Variants in SPAG16 observed in about 807,000 individuals in gnomAD.
SPAG16 encodes sperm associated antigen 16.
SPAG16 carries 86 observed loss-of-function variants against 80.4 expected under a neutral mutation model. That is an observed-to-expected ratio of 1.07 (90% confidence interval 0.90 to 1.28). SPAG16 has a LOEUF of 1.28. SPAG16 is among the 50% of genes most tolerant of loss of function. SPAG16 has a pLI of 0.00. For synonymous variants in SPAG16, 294 were observed against 265.9 expected, an observed-to-expected ratio of 1.11 and a Z score of -1.03; for missense variants, 870 against 765.3, an observed-to-expected ratio of 1.14 and a Z score of -1.61.
At chr2:214,381,239 C>A (rs963095355) in intron 15 of SPAG16, among the ~76,000 whole-genome samples, 2 of 152,140 alleles carry the variant, frequency 1.3e-5, no homozygotes, top group Admixed American at 6.6e-5. Flanking sequence ...TTAGTTCTTA[C>A]GAAGAAAACA....
At chr2:214,193,875 C>A (rs2057749244) in intron 15 of SPAG16, among the ~76,000 whole-genome samples, 1 of 152,054 alleles carries the variant, frequency 6.6e-6, no homozygotes, top group Non-Finnish European at 1.5e-5. Flanking sequence ...AGTATCATCT[C>A]TGTGTAAAAA....
intron 13 of SPAG16, among the ~76,000 whole-genome samples, chr2:214,041,894 A>G (rs963010162): frequency 1.3e-5 from 2 of 148,238 alleles, no homozygotes; most frequent in Admixed American, 6.8e-5. Context: ...ATATTTATAT[A>G]TAGTCTGTGT....
At chr2:213,518,129 G>A (rs2075511887) in intron 10 of SPAG16, among the ~76,000 whole-genome samples, 1 of 152,138 alleles carries the variant, frequency 6.6e-6, no homozygotes, top group Non-Finnish European at 1.5e-5. Flanking sequence ...ACTGATAAAT[G>A]GGCAAAGGAC....
chr2:213,862,643 C>G lies in SPAG16; in HGVS notation c.1214+15C>G, dbSNP rs2042792. 608,965 of 1,612,300 alleles carry G rather than the reference C, an allele frequency of 0.38. 117,429 individuals carry two copies. The highest frequency in any genetic ancestry group is 0.48 in the East Asian group (21,671 of 44,812). On this transcript the variant is annotated intron_variant, in intron 11 of 15. Transcript: ENST00000331683. ...TTCCATCCCAGGTCAGTGCACAGGA[C>G]CCCTAGAAATAGCCTAATCTCTCTA...
chr2:213,816,383 A>G (rs967152549), intron 10 of SPAG16, among the ~76,000 whole-genome samples: 1 of 152,068 alleles, frequency 6.6e-6, no homozygotes, highest in African/African-American at 2.4e-5. Flanking sequence ...AACATTCTTG[A>G]ATATTTCTTT....
chr2:214,282,348 A>C (rs1488875469), intron 15 of SPAG16, among the ~76,000 whole-genome samples: 2 of 152,150 alleles, frequency 1.3e-5, no homozygotes, highest in South Asian at 4.1e-4. Context: ...AATAAATCTA[A>C]TGAGGAGAAA....
At chr2:214,058,330 C>G (rs1228021041) in intron 13 of SPAG16, among the ~76,000 whole-genome samples, 1 of 152,110 alleles carries the variant, frequency 6.6e-6, no homozygotes, top group Non-Finnish European at 1.5e-5. Context: ...CGTTGTCTCT[C>G]AGTGAATAGA....
intron 10 of SPAG16, among the ~76,000 whole-genome samples, chr2:213,490,586 A>G (rs1269001315): frequency 6.6e-6 from 1 of 152,166 alleles, no homozygotes; most frequent in Non-Finnish European, 1.5e-5. Context: ...ATTTATATTC[A>G]TACACATTTA....
intron 10 of SPAG16, among the ~76,000 whole-genome samples, chr2:213,529,466 G>C (rs2075997390): frequency 1.3e-5 from 2 of 152,172 alleles, no homozygotes; most frequent in Admixed American, 1.3e-4. Flanking sequence ...GCCAGCTCTA[G>C]CACACTACTG....
intron 13 of SPAG16, among the ~76,000 whole-genome samples, chr2:214,074,713 A>C (rs1460513956): frequency 6.6e-6 from 1 of 152,142 alleles, no homozygotes; most frequent in Non-Finnish European, 1.5e-5. Context: ...GTTTTCAATT[A>C]AAAAACAGGC....
intron 13 of SPAG16, among the ~76,000 whole-genome samples, chr2:214,062,418 CAAAAAAA>C (rs56693089): frequency 2.0e-4 from 11 of 55,400 alleles, no homozygotes; most frequent in South Asian, 1.9e-3. Context: ...GACTCTGACT[CAAAAAAA>C]AAAAAAAAAA....
At chr2:214,358,407 C>T (rs1324162557) in intron 15 of SPAG16, among the ~76,000 whole-genome samples, 1 of 151,878 alleles carries the variant, frequency 6.6e-6, no homozygotes, top group Non-Finnish European at 1.5e-5. Flanking sequence ...TTAGTTTTCC[C>T]TCATGCCAAA....
chr2:213,526,732 A>G (rs889774821), intron 10 of SPAG16, among the ~76,000 whole-genome samples: 1 of 152,192 alleles, frequency 6.6e-6, no homozygotes, highest in Non-Finnish European at 1.5e-5. Flanking sequence ...GAGAACTTCT[A>G]TTTCTGAAAA....
intron 10 of SPAG16, among the ~76,000 whole-genome samples, chr2:213,548,381 T>A (rs928827000): frequency 6.6e-6 from 1 of 152,044 alleles, no homozygotes; most frequent in Admixed American, 6.5e-5. Flanking sequence ...CCCGGCTAAT[T>A]TTTGTATTTT....
intron 14 of SPAG16, among the ~76,000 whole-genome samples, chr2:214,142,107 A>G (rs1196421538): frequency 2.6e-5 from 4 of 151,748 alleles, no homozygotes; most frequent in Non-Finnish European, 5.9e-5. Context: ...CAATCTAGCT[A>G]AATTTTCCAG....
chr2:213,835,689 A>G (rs145586524), intron 10 of SPAG16, among the ~76,000 whole-genome samples: 49 of 152,302 alleles, frequency 3.2e-4, no homozygotes, highest in Non-Finnish European at 5.3e-4. Flanking sequence ...CCATAATTAT[A>G]TAATAATATG....
chr2:213,524,837 A>G (rs2075826488), intron 10 of SPAG16, among the ~76,000 whole-genome samples: 1 of 152,148 alleles, frequency 6.6e-6, no homozygotes, highest in African/African-American at 2.4e-5. Flanking sequence ...GTCTAAGAAG[A>G]GACTTTGGAC....
chr2:213,652,327 A>G (rs2063053913), intron 10 of SPAG16, among the ~76,000 whole-genome samples: 1 of 148,902 alleles, frequency 6.7e-6, no homozygotes, highest in South Asian at 2.1e-4. Context: ...TGTTTTTTTA[A>G]TGAATATTCA....
At chr2:213,846,716 T>A (rs915322918) in intron 10 of SPAG16, among the ~76,000 whole-genome samples, 17 of 152,176 alleles carry the variant, frequency 1.1e-4, no homozygotes, top group Non-Finnish European at 2.4e-4. Flanking sequence ...TAAATTTAAT[T>A]TCCTTTGTTA....
Sources: gnomAD v4.1 joint callset for allele counts (sites outside exome capture counted in the v4.1 genomes callset) on GRCh38, gnomAD v4.1.1 for gene constraint, MANE v1.5 for transcripts, NCBI Gene and HGNC (gene_info 2026-07-23, HGNC 2026-07-21) for gene names.